Variants in MAP2K4 observed in about 807,000 individuals in gnomAD.
MAP2K4 encodes mitogen-activated protein kinase kinase 4.
MAP2K4 carries 4 observed loss-of-function variants against 48.5 expected under a neutral mutation model. The ratio of observed to expected loss-of-function variants is 0.08; its 90% CI spans 0.04 to 0.19. MAP2K4 has a LOEUF of 0.19. Among genes scored for constraint, MAP2K4 ranks in the 10% least tolerant of loss-of-function variants. The pLI is 1.00. For missense variants in MAP2K4, 258 were observed against 493.3 expected, an observed-to-expected ratio of 0.52 and a Z score of 4.52; for synonymous variants, 166 against 173.1, an observed-to-expected ratio of 0.96 and a Z score of 0.32.
chr17:12,070,322 A>AG (rs1970762269), intron 2 of MAP2K4, among the ~76,000 whole-genome samples: 1 of 152,156 alleles, frequency 6.6e-6, no homozygotes, highest in African/African-American at 2.4e-5. Flanking sequence ...AAAGATAGGT[A>AG]GATATGAGAG....
rs575994835 is a variant in MAP2K4 at position 12,101,037 on chromosome 17, GT to G, written c.513+5348del. On this transcript the variant is annotated intron_variant, in intron 4 of 10. Coordinates refer to ENST00000353533, the MANE Select transcript of MAP2K4 (RefSeq NM_003010.4). ...TTTATATATATCTATTCTTCACAGT[GT>G]TTTTGGAGAGCAAAAGTTTTTAATG... Among the ~76,000 whole-genome samples, 21 of 152,110 alleles carry G rather than the reference GT, an allele frequency of 1.4e-4. No individual in the cohort carries two copies. In the East Asian group the frequency reaches 3.3e-3, roughly 24 times the overall value.
At chr17:12,059,452 G>A (rs999114819) in intron 2 of MAP2K4, among the ~76,000 whole-genome samples, 5 of 152,182 alleles carry the variant, frequency 3.3e-5, no homozygotes, top group Non-Finnish European at 4.4e-5. Context: ...GTACTGAGTC[G>A]TTTAGAATAT....
intron 2 of MAP2K4, among the ~76,000 whole-genome samples, chr17:12,066,526 CCTCTT>C (rs1970620700): frequency 1.3e-5 from 2 of 152,046 alleles, no homozygotes; most frequent in Admixed American, 6.5e-5. Context: ...TCCTCCTCCT[CCTCTT>C]CTTCTTCTTC....
chr17:12,114,964 C>A (rs993005152), intron 7 of MAP2K4, among the ~76,000 whole-genome samples: 3 of 152,162 alleles, frequency 2.0e-5, no homozygotes, highest in Non-Finnish European at 4.4e-5. Flanking sequence ...AGATGAAATT[C>A]TTCTGTCCAT....
At chr17:12,120,223 G>A (rs1972640226) in intron 7 of MAP2K4, among the ~76,000 whole-genome samples, 2 of 152,222 alleles carry the variant, frequency 1.3e-5, no homozygotes, top group African/African-American at 4.8e-5. Context: ...CACTTTGGGA[G>A]GCCAAGGTAG....
At chr17:12,112,996 T>C in intron 6 of MAP2K4, 1 of 319,958 alleles carries the variant, frequency 3.1e-6, no homozygotes, top group Non-Finnish European at 5.8e-6. Context: ...CAGATTAATG[T>C]TTGTGAAATG....
chr17:12,095,662 A>G lies in MAP2K4; in HGVS notation c.481A>G (p.Ile161Val). 6.2e-7 allele frequency: 1 copy of G among 1,613,978 alleles called. No homozygotes were observed. The highest frequency in any genetic ancestry group is 8.5e-7 in the Non-Finnish European group (1 of 1,179,952). The stretch of plus-strand genomic sequence containing the variant: ...AATGCGGAGTAGTGATTGCCCATAC[A>G]TTGTTCAGTTTTATGGTGCACTCTT... ...VVMRSSDCPY[I>V]VQFYGALFRE... The change falls in exon 4 of 11, where the codon ATT becomes GTT. Residue 161 changes from isoleucine (I) to valine (V), a missense_variant. Around this residue, in one of 3 missense-constraint regions of MAP2K4, gnomAD observed 132 missense variants for 352.8 expected, o/e 0.37. Coordinates refer to ENST00000353533, the MANE Select transcript of MAP2K4 (RefSeq NM_003010.4).
At position 12,095,601 on chromosome 17, in the gene MAP2K4, A is replaced by G. The variant is rs2151561697; in HGVS notation, c.420A>G (p.Lys140=). Residue 140 remains lysine (K), a synonymous_variant, in exon 4 of 11, where the codon AAA becomes AAG. Transcript: ENST00000353533. ...GAATTCGGTCAACAGTGGATGAAAA[A>G]GAACAAAAACAACTTCTTATGGATT... is the stretch of plus-strand genomic sequence containing the variant. ...VKRIRSTVDE[K]EQKQLLMDLD... The G allele has an allele frequency of 6.2e-7, 1 of 1,613,944 alleles. No individual in the cohort carries two copies. The highest frequency in any genetic ancestry group is 8.5e-7 in the Non-Finnish European group (1 of 1,179,910).
At chr17:12,060,520 C>T (rs928957315) in intron 2 of MAP2K4, among the ~76,000 whole-genome samples, 2 of 152,188 alleles carry the variant, frequency 1.3e-5, no homozygotes, top group Admixed American at 6.5e-5. Context: ...CAGGACATCT[C>T]TGGTGGATTT....
chr17:12,037,942 A>G (rs1040242955), intron 1 of MAP2K4, among the ~76,000 whole-genome samples: 1 of 152,148 alleles, frequency 6.6e-6, no homozygotes, highest in Non-Finnish European at 1.5e-5. Flanking sequence ...TGTCCTGAAA[A>G]TGCTTTTTGT....
intron 8 of MAP2K4, among the ~76,000 whole-genome samples, chr17:12,126,053 C>T (rs1235255773): frequency 6.6e-6 from 1 of 152,066 alleles, no homozygotes; most frequent in Non-Finnish European, 1.5e-5. Flanking sequence ...CTCATGAGAA[C>T]TCTATCATGA....
chr17:12,037,837 C>A (rs1177833880), intron 1 of MAP2K4, among the ~76,000 whole-genome samples: 1 of 152,038 alleles, frequency 6.6e-6, no homozygotes, highest in Non-Finnish European at 1.5e-5. Context: ...CAGGATTCAC[C>A]TATTCCTCTC....
intron 3 of MAP2K4, among the ~76,000 whole-genome samples, chr17:12,087,994 A>G (rs1037613193): frequency 6.6e-6 from 1 of 152,194 alleles, no homozygotes; most frequent in African/African-American, 2.4e-5. Flanking sequence ...TAGGAAAATA[A>G]GAATACCTAA....
chr17:12,076,177 C>T (rs1239550258), intron 2 of MAP2K4, among the ~76,000 whole-genome samples: 3 of 152,036 alleles, frequency 2.0e-5, no homozygotes, highest in Non-Finnish European at 4.4e-5. Context: ...AGGCCACCTG[C>T]CTATATATGA....
At chr17:12,064,943 G>C (rs1295524586) in intron 2 of MAP2K4, among the ~76,000 whole-genome samples, 1 of 152,146 alleles carries the variant, frequency 6.6e-6, no homozygotes, top group African/African-American at 2.4e-5. Flanking sequence ...CTGAGCAGAA[G>C]AAGCGAGACA....
chr17:12,125,473 A>C, intron 8 of MAP2K4, 102 bp downstream of exon 8: 3 of 886,582 alleles, frequency 3.4e-6, no homozygotes, highest in Non-Finnish European at 5.7e-6. Context: ...AAGAACTATA[A>C]TCACAGACAC....
chr17:12,113,177 C>G (rs1972364908), intron 6 of MAP2K4, 56 bp from the exon 7 acceptor site: 2 of 1,559,184 alleles, frequency 1.3e-6, no homozygotes, highest in Admixed American at 1.7e-5. Flanking sequence ...AAAGTGAAGC[C>G]TTATGTAACT....
chr17:12,102,144 C>T (rs960910186), intron 4 of MAP2K4, among the ~76,000 whole-genome samples: 1 of 151,700 alleles, frequency 6.6e-6, no homozygotes, highest in African/African-American at 2.4e-5. Context: ...GTGGACTTTT[C>T]ATATATATAT....
intron 9 of MAP2K4, among the ~76,000 whole-genome samples, chr17:12,138,302 AC>A (rs1271929283): frequency 3.9e-5 from 6 of 152,282 alleles, no homozygotes; most frequent in African/African-American, 1.4e-4. Context: ...AAACTTGACT[AC>A]TAACAAATAG....
Sources: gnomAD v4.1 joint callset for allele counts (sites outside exome capture counted in the v4.1 genomes callset) on GRCh38, gnomAD v4.1.1 for gene constraint, gnomAD v4.1.1 regional missense constraint, MANE v1.5 for transcripts, NCBI Gene and HGNC (gene_info 2026-07-23, HGNC 2026-07-21) for gene names.